Variants in SCRN1 observed in about 807,000 individuals in gnomAD.
SCRN1 encodes the protein secernin-1.
Under a neutral mutation model 43.3 loss-of-function variants are expected in SCRN1, and 19 were observed. That is an observed-to-expected ratio of 0.44 (90% CI 0.31 to 0.64). The LOEUF (loss-of-function observed/expected upper bound fraction) is 0.64. Ranked by LOEUF, SCRN1 falls within the 30% of genes least tolerant of loss-of-function variation. The pLI is 0.09. For synonymous variants in SCRN1, 183 were observed against 188.9 expected, an observed-to-expected ratio of 0.97 and a Z score of 0.26; for missense variants, 447 against 524.1, an observed-to-expected ratio of 0.85 and a Z score of 1.44.
Position 29,921,793 on chromosome 7 carries a change from G to A in SCRN1, c.*2164C>T, listed in dbSNP as rs1786768696. ...GCGGGTAGGGTTATCCATGGCCTTT[G>A]TTTGGCCCATAGAAATGAAAGGAGG... is the stretch of plus-strand genomic sequence containing the variant. On this transcript the variant is annotated 3_prime_UTR_variant, in exon 8 of 8. Transcript: ENST00000242059. The A allele has an allele frequency of 6.6e-6, 1 of 152,222 alleles. No individual in the cohort carries two copies. Among genetic ancestry groups the A allele is most frequent in the Non-Finnish European group, 1.5e-5 (1 of 68,042 alleles). 9.4% of individuals were successfully genotyped at this position (152,222 alleles called of 1,614,324 possible). A position where few individuals can be genotyped will look rare whatever the true frequency, so the allele number is the denominator to read the frequency against.
chr7:29,960,096 G>A (rs949185703), intron 2 of SCRN1, among the ~76,000 whole-genome samples: 5 of 151,912 alleles, frequency 3.3e-5, no homozygotes, highest in African/African-American at 4.8e-5. Context: ...AGAATGACTT[G>A]TACTTTCCTA....
intron 2 of SCRN1, among the ~76,000 whole-genome samples, chr7:29,963,721 C>A (rs1044423619): frequency 1.3e-5 from 2 of 152,090 alleles, no homozygotes; most frequent in Non-Finnish European, 2.9e-5. Context: ...TCTGGACTAG[C>A]AAAATACTGG....
intron 3 of SCRN1, among the ~76,000 whole-genome samples, chr7:29,954,108 T>C (rs905203484): frequency 6.6e-6 from 1 of 152,186 alleles, no homozygotes; most frequent in Non-Finnish European, 1.5e-5. Flanking sequence ...AATTCAGTTA[T>C]TGATCACTCA....
At chr7:29,949,970 G>A (rs954045916) in intron 3 of SCRN1, among the ~76,000 whole-genome samples, 2 of 152,222 alleles carry the variant, frequency 1.3e-5, no homozygotes, top group South Asian at 4.1e-4. Flanking sequence ...ATCTGGAGGA[G>A]CCACTGTGAA....
chr7:29,959,328 A>T (rs1788232961), intron 2 of SCRN1, among the ~76,000 whole-genome samples: 1 of 152,214 alleles, frequency 6.6e-6, no homozygotes, highest in South Asian at 2.1e-4. Context: ...CTTTGGAGAG[A>T]TGTTTTTAGC....
At chr7:29,939,907 T>G (rs1787473320) in intron 5 of SCRN1, among the ~76,000 whole-genome samples, 1 of 151,416 alleles carries the variant, frequency 6.6e-6, no homozygotes, top group South Asian at 2.1e-4. Context: ...CCCAGCACTT[T>G]GGGAGGCCAA....
chr7:29,929,947 T>G (rs1237325635), intron 6 of SCRN1, among the ~76,000 whole-genome samples: 1 of 152,202 alleles, frequency 6.6e-6, no homozygotes, highest in South Asian at 2.1e-4. Context: ...AATGAGGGTG[T>G]CTGGTGCTTT....
Position 29,955,224 on chromosome 7 carries a change from T to C in SCRN1, c.296A>G (p.Glu99Gly). Reference protein sequence around the residue: ...CIANEAINTREPAAEIEALLG... With the variant: ...CIANEAINTRGPAAEIEALLG... ...CAAGGCTTCTATCTCGGCAGCTGGC[T>C]CTCTGGTGTTGATGGCTTCATTGGC... The change falls in exon 3 of 8, where the codon GAG (glutamate) becomes GGG (glycine). Residue 99 changes from glutamate to glycine, a missense_variant. Transcript: ENST00000242059. 1.2e-6 allele frequency: 2 copies of C among 1,614,204 alleles called. No homozygotes were observed. The highest frequency in any genetic ancestry group is 1.7e-6 in the Non-Finnish European group (2 of 1,180,044).
Position 29,931,262 on chromosome 7 carries a change from C to A in SCRN1, c.906-4630G>T, listed in dbSNP as rs1379450276. On this transcript the variant is annotated intron_variant, in intron 6 of 7. Transcript: ENST00000242059. ...TAACATTTCATAGCACAGCATAATT[C>A]TCAAAGCATCTGCATTCAATTCTCA... Among the ~76,000 whole-genome samples, 5 of 152,258 alleles carry A rather than the reference C, an allele frequency of 3.3e-5. No homozygotes were observed. The East Asian group carries it at 7.7e-4, about 23-fold the overall frequency.
In SCRN1 at chr7:29,961,736, G is replaced by A. The variant is rs144876673; in HGVS notation, c.160-6376C>T. The stretch of plus-strand genomic sequence containing the variant: ...CCAGTAGGGGCCGCCGGGCAGAGGC[G>A]CCCCTCACCTCCCGGATGGGGCGGC... On this transcript the variant is annotated intron_variant, in intron 2 of 7. Transcript: ENST00000242059. 2.2e-3 allele frequency among the ~76,000 whole-genome samples: 335 copies of A among 151,806 alleles called. 11 individuals are homozygous for A. In the East Asian group the frequency reaches 0.056, roughly 25 times the overall value.
At chr7:29,956,853 T>A (rs186415676) in intron 2 of SCRN1, among the ~76,000 whole-genome samples, 121 of 151,766 alleles carry the variant, frequency 8.0e-4, no homozygotes, top group African/African-American at 2.7e-3. Context: ...AAAAAAAAAA[T>A]GATTCTTGTA....
chr7:29,947,077 G>A, intron 3 of SCRN1: 1 of 1,235,904 alleles, frequency 8.1e-7, no homozygotes, highest in Non-Finnish European at 1.1e-6. Flanking sequence ...TGCCTGGGCA[G>A]GACCAGGACA....
intron 2 of SCRN1, among the ~76,000 whole-genome samples, chr7:29,961,843 G>A (rs1788332640): frequency 1.3e-5 from 2 of 152,208 alleles, no homozygotes; most frequent in Non-Finnish European, 2.9e-5. Context: ...CCCCACTGGA[G>A]GATCTTATTT....
intron 3 of SCRN1, among the ~76,000 whole-genome samples, chr7:29,949,130 A>G (rs1203682937): frequency 2.0e-5 from 3 of 151,858 alleles, no homozygotes; most frequent in Admixed American, 6.6e-5. Context: ...CCTGGCTAAC[A>G]TGGTGAAATC....
upstream of SCRN1, chr7:29,990,001 G>A (rs933336221): frequency 8.2e-5 from 115 of 1,406,992 alleles, no homozygotes; most frequent in Non-Finnish European, 1.0e-4. Context: ...GTATCTCGCC[G>A]CAGAAAGTGG....
chr7:29,986,971 G>A (rs796569487), intron 1 of SCRN1, among the ~76,000 whole-genome samples: 58 of 152,102 alleles, frequency 3.8e-4, no homozygotes, highest in Non-Finnish European at 6.8e-4. Context: ...TGATCCGCCC[G>A]CCTCGGCCTC....
chr7:29,938,204 T>A lies in SCRN1; in HGVS notation c.740-1483A>T, dbSNP rs185712853. ...CCACCACGCCCAGTTAATTTTTGTA[T>A]TTTTTTGGTAGAGATGGGGTTTCAC... is the stretch of plus-strand genomic sequence containing the variant. On this transcript the variant is annotated intron_variant, in intron 5 of 7. Coordinates refer to ENST00000242059, the MANE Select transcript of SCRN1 (RefSeq NM_014766.5). Among the ~76,000 whole-genome samples the A allele has an allele frequency of 3.1e-3, 474 of 152,198 alleles. 6 individuals carry two copies. The highest frequency in any genetic ancestry group is 0.011 in the African/African-American group (451 of 41,534).
chr7:29,955,145 T>C, intron 3 of SCRN1, 34 bp downstream of exon 3: 1 of 1,584,146 alleles, frequency 6.3e-7, no homozygotes, highest in Non-Finnish European at 8.6e-7. Flanking sequence ...CAACCTTTTC[T>C]AGGAAGTTGT....
intron 1 of SCRN1, among the ~76,000 whole-genome samples, chr7:29,975,323 TA>T (rs1226990454): frequency 2.6e-5 from 4 of 152,224 alleles, no homozygotes; most frequent in Admixed American, 6.5e-5. Flanking sequence ...GATGGCTTTT[TA>T]AAAAACTTCC....
Sources: allele counts gnomAD v4.1 joint callset (sites outside exome capture counted in the v4.1 genomes callset), GRCh38; gene constraint gnomAD v4.1.1; transcripts MANE v1.5; gene names NCBI Gene and HGNC (gene_info 2026-07-23, HGNC 2026-07-21).